Variants in FAM20C observed in about 807,000 individuals in gnomAD.
The protein encoded by FAM20C is extracellular serine/threonine protein kinase FAM20C.
FAM20C carries 40 observed loss-of-function variants against 51.5 expected under a neutral mutation model. The observed-to-expected ratio is 0.78, with a 90% CI of 0.60 to 1.01. The LOEUF (loss-of-function observed/expected upper bound fraction) is 1.01. Among genes scored for constraint, FAM20C ranks in the 50% least tolerant of loss-of-function variants. FAM20C has a pLI of 0.00. For synonymous variants in FAM20C, 406 were observed against 380.6 expected, an observed-to-expected ratio of 1.07 and a Z score of -0.78; for missense variants, 861 against 844.7, an observed-to-expected ratio of 1.02 and a Z score of -0.24.
At chr7:219,800 G>T (rs927615929) in intron 3 of FAM20C, among the ~76,000 whole-genome samples, 2 of 152,190 alleles carry the variant, frequency 1.3e-5, no homozygotes, top group African/African-American at 4.8e-5. Context: ...GAAACAAAAT[G>T]GTTTTGAGGA....
intron 3 of FAM20C, chr7:229,282 C>G (rs1787568506): frequency 4.2e-6 from 1 of 236,406 alleles, no homozygotes; most frequent in African/African-American, 2.2e-5. Context: ...AACTTTGCTG[C>G]AATGTGTTCT....
At chr7:248,138 G>A (rs896333890) in intron 4 of FAM20C, among the ~76,000 whole-genome samples, 177 bp from the exon 5 acceptor site, 1 of 150,086 alleles carries the variant, frequency 6.7e-6, no homozygotes. Flanking sequence ...CATCACCGTG[G>A]GGCCAGGCAG....
intron 3 of FAM20C, among the ~76,000 whole-genome samples, chr7:232,259 G>A (rs56107198): frequency 0.15 from 22,086 of 152,220 alleles, 1,868 homozygotes; most frequent in African/African-American, 0.23. Flanking sequence ...GGGAGTCGGT[G>A]GCCCTGGGTG....
intron 3 of FAM20C, among the ~76,000 whole-genome samples, chr7:213,275 C>G (rs1786814753): frequency 6.7e-6 from 1 of 150,176 alleles, no homozygotes. Context: ...TTGTGAGTGA[C>G]ATGGAGGGCT....
chr7:240,501 G>A (rs1235919590), intron 3 of FAM20C, among the ~76,000 whole-genome samples: 1 of 151,922 alleles, frequency 6.6e-6, no homozygotes, highest in African/African-American at 2.4e-5. Flanking sequence ...AGGTGATGGT[G>A]GAGGTGATGA....
rs776468924 is a variant in FAM20C, at chr7:260,024, C to G, written c.*44C>G. 4 of 1,456,344 alleles carry G rather than the reference C, an allele frequency of 2.7e-6. No homozygotes were observed. Among genetic ancestry groups the G allele is most frequent in the Non-Finnish European group, 3.6e-6 (4 of 1,102,104 alleles). The allele number at this position is 1,456,344 out of a possible 1,614,324, so 90.2% of individuals were successfully genotyped here. A position where few individuals can be genotyped will look rare whatever the true frequency, so the allele number is the denominator to read the frequency against. On this transcript the variant is annotated 3_prime_UTR_variant, in exon 10 of 10. Transcript: ENST00000313766. ...CTGCCCGGGACGGAGACAGAGGCGC[C>G]GGACCTCCCAGCAAGCGCATGCGCC...
chr7:224,216 CT>C (rs1264144013), intron 3 of FAM20C, among the ~76,000 whole-genome samples: 2 of 143,182 alleles, frequency 1.4e-5, no homozygotes, highest in Admixed American at 6.8e-5. Context: ...CGGCTGTCCC[CT>C]GAGCCTTCTC....
rs148728305 is a variant in FAM20C at position 260,221 on chromosome 7, G to A, written c.*241G>A. The A allele has an allele frequency of 1.6e-4, 74 of 475,578 alleles. No individual in the cohort carries two copies. Among genetic ancestry groups the A allele is most frequent in the Non-Finnish European group, 2.5e-4 (68 of 276,332 alleles). The allele number at this position is 475,578 out of a possible 1,614,324, so 29.5% of individuals were successfully genotyped here. Reference sequence around the variant, plus strand: ...CTCACGGACAGAGGCGGCCGGCGCCGGAGGCATTCCATCCTTTCTGTAGGG... The same window carrying A: ...CTCACGGACAGAGGCGGCCGGCGCCAGAGGCATTCCATCCTTTCTGTAGGG... On this transcript the variant is annotated 3_prime_UTR_variant, in exon 10 of 10. Transcript: ENST00000313766.
At chr7:214,154 C>T (rs1032944399) in intron 3 of FAM20C, among the ~76,000 whole-genome samples, 6 of 151,990 alleles carry the variant, frequency 3.9e-5, no homozygotes, top group East Asian at 1.9e-4. Flanking sequence ...GGTGAAACCC[C>T]GTCTCTACTA....
intron 3 of FAM20C, among the ~76,000 whole-genome samples, chr7:237,362 T>A (rs1378461073): frequency 6.6e-6 from 1 of 152,224 alleles, no homozygotes; most frequent in Non-Finnish European, 1.5e-5. Context: ...CATTTTAGCA[T>A]CACACAACGT....
At chr7:242,038 C>A (rs957645831) in intron 3 of FAM20C, among the ~76,000 whole-genome samples, 11 of 152,202 alleles carry the variant, frequency 7.2e-5, no homozygotes, top group African/African-American at 2.7e-4. Flanking sequence ...CCTGGGCCAG[C>A]CCCTCCCTGG....
rs186740074 is a variant in FAM20C, at chr7:197,934, G to A, written c.784+2202G>A. ...ACCCCTCTTTGGTCCAGCTGTCCCG[G>A]GGCAGTGGTGCCCAGGCTGCCTGAC... On this transcript the variant is annotated intron_variant, in intron 2 of 9. Transcript: ENST00000313766. Among the ~76,000 whole-genome samples the A allele has an allele frequency of 1.3e-3, 192 of 152,324 alleles. 1 individual carries two copies. Among genetic ancestry groups the A allele is most frequent in the Admixed American group, 2.0e-3 (31 of 15,308 alleles).
At chr7:249,079 C>T (rs936739548) in intron 5 of FAM20C, among the ~76,000 whole-genome samples, 2 of 152,250 alleles carry the variant, frequency 1.3e-5, no homozygotes, top group African/African-American at 4.8e-5. Context: ...TTTATTTTAA[C>T]TGGTGAAACG....
intron 3 of FAM20C, among the ~76,000 whole-genome samples, chr7:216,640 TGA>T (rs1491162256): frequency 1.3e-4 from 18 of 142,926 alleles, no homozygotes; most frequent in African/African-American, 5.0e-4. Flanking sequence ...TGAGTGTGTG[TGA>T]GTGTGTGTGA....
At chr7:256,547 C>A in intron 6 of FAM20C, 107 bp from the exon 7 acceptor site, 1 of 914,024 alleles carries the variant, frequency 1.1e-6, no homozygotes, top group Non-Finnish European at 1.7e-6. Flanking sequence ...GGTCCATCTG[C>A]AGACGCCAAG....
At chr7:259,313 G>T (rs560952144) in intron 9 of FAM20C, among the ~76,000 whole-genome samples, 1 of 152,292 alleles carries the variant, frequency 6.6e-6, no homozygotes, top group African/African-American at 2.4e-5. Context: ...TCCTGCAAGG[G>T]CACCCTCATC....
chr7:200,616 A>G (rs1786085296), intron 2 of FAM20C, among the ~76,000 whole-genome samples: 1 of 152,246 alleles, frequency 6.6e-6, no homozygotes, highest in African/African-American at 2.4e-5. Flanking sequence ...CATGGTCCCC[A>G]CTGGGGCAAG....
At chr7:253,702 G>A (rs1788488148) in intron 5 of FAM20C, among the ~76,000 whole-genome samples, 1 of 135,852 alleles carries the variant, frequency 7.4e-6, no homozygotes, top group Non-Finnish European at 1.7e-5. Context: ...ACTTGCCTGA[G>A]GTCACACAGC....
chr7:202,640 G>A (rs1242006129), intron 2 of FAM20C, among the ~76,000 whole-genome samples: 427 of 125,928 alleles, frequency 3.4e-3, no homozygotes, highest in Middle Eastern at 0.022. Flanking sequence ...AGAATGGGTG[G>A]CTGCTGGGTG....
Sources: allele counts gnomAD v4.1 joint callset (sites outside exome capture counted in the v4.1 genomes callset), GRCh38; gene constraint gnomAD v4.1.1; transcripts MANE v1.5; gene names NCBI Gene and HGNC (gene_info 2026-07-23, HGNC 2026-07-21).